The following XYLT1 variants were observed in gnomAD, a reference collection of about 807,000 sequenced individuals.
XYLT1 encodes xylosyltransferase 1, also known as beta-D-xylosyltransferase 1.
In XYLT1, 36 loss-of-function variants were observed where a neutral mutation model predicts 91.3. The ratio of observed to expected loss-of-function variants is 0.39; its 90% CI spans 0.30 to 0.52. The LOEUF (loss-of-function observed/expected upper bound fraction) is 0.52. Ranked by LOEUF, XYLT1 falls within the 20% of genes least tolerant of loss-of-function variation. The pLI is 0.68. For synonymous variants in XYLT1, 588 were observed against 532.0 expected, an observed-to-expected ratio of 1.11 and a Z score of -1.45; for missense variants, 1,242 against 1,284.5, an observed-to-expected ratio of 0.97 and a Z score of 0.51.
intron 2 of XYLT1, among the ~76,000 whole-genome samples, chr16:17,320,179 A>T (rs1427979980): frequency 6.6e-6 from 1 of 152,186 alleles, no homozygotes; most frequent in Non-Finnish European, 1.5e-5. Context: ...TCTTCCCCAG[A>T]CTACGGAGGT....
intron 5 of XYLT1, among the ~76,000 whole-genome samples, chr16:17,188,018 G>A (rs1191676415): frequency 6.6e-6 from 1 of 152,050 alleles, no homozygotes; most frequent in Admixed American, 6.5e-5. Flanking sequence ...GTTTTGCACA[G>A]GTGTGGGGTC....
chr16:17,158,375 C>T (rs1426862843), intron 6 of XYLT1, among the ~76,000 whole-genome samples: 2 of 152,208 alleles, frequency 1.3e-5, no homozygotes, highest in Non-Finnish European at 2.9e-5. Context: ...GGTCAATTCC[C>T]TGAGAGGAAG....
intron 4 of XYLT1, among the ~76,000 whole-genome samples, chr16:17,199,823 G>A (rs933173569): frequency 2.0e-5 from 3 of 152,104 alleles, no homozygotes; most frequent in Admixed American, 1.3e-4. Context: ...TCAGTCTCAG[G>A]TATGTCTTTA....
chr16:17,334,524 CAA>C (rs11290407), intron 2 of XYLT1, among the ~76,000 whole-genome samples: 8 of 147,344 alleles, frequency 5.4e-5, no homozygotes, highest in Non-Finnish European at 7.5e-5. Context: ...CACTTCAGAC[CAA>C]AAAAAAAAAG....
intron 1 of XYLT1, among the ~76,000 whole-genome samples, chr16:17,375,019 A>G (rs1276728183): frequency 3.9e-5 from 6 of 152,202 alleles, no homozygotes; most frequent in Non-Finnish European, 8.8e-5. Context: ...CAGACCAACT[A>G]GGACACACTG....
chr16:17,207,042 T>C (rs1234664850), intron 3 of XYLT1, among the ~76,000 whole-genome samples: 1 of 127,260 alleles, frequency 7.9e-6, no homozygotes, highest in Non-Finnish European at 1.6e-5. Flanking sequence ...AGGTTGGTTT[T>C]CTTTTCTTTC....
At chr16:17,342,860 T>G (rs2035083356) in intron 2 of XYLT1, among the ~76,000 whole-genome samples, 1 of 152,180 alleles carries the variant, frequency 6.6e-6, no homozygotes, top group African/African-American at 2.4e-5. Flanking sequence ...CAACACATAT[T>G]TATTGAATAC....
intron 8 of XYLT1, 71 bp from the exon 9 acceptor site, chr16:17,134,806 A>C: frequency 6.4e-7 from 1 of 1,571,628 alleles, no homozygotes; most frequent in Non-Finnish European, 8.7e-7. Context: ...ACCTAAGGGC[A>C]TATCCTGTGG....
rs570305239 is a variant in XYLT1, at chr16:17,470,468, G to C, written c.329C>G (p.Pro110Arg). 5 of 1,232,876 alleles carry C rather than the reference G, an allele frequency of 4.1e-6. No individual in the cohort carries two copies. Among genetic ancestry groups the C allele is most frequent in the African/African-American group, 1.6e-5 (1 of 64,338 alleles). 76.4% of individuals were successfully genotyped at this position (1,232,876 alleles called of 1,614,324 possible). A position where few individuals can be genotyped will look rare whatever the true frequency, so the allele number is the denominator to read the frequency against. The change falls in exon 1 of 12, where the codon CCG becomes CGG. Residue 110 changes from proline to arginine, a missense_variant. Around this residue, in one of 3 missense-constraint regions of XYLT1, gnomAD observed 437 missense variants for 411.5 expected, o/e 1.06. Transcript: ENST00000261381. ...GGPGEPRGQQ[P>R]ASRGALPARA... ...GGCGGGCAGTGCCCCCCGGCTGGCC[G>C]GCTGCTGTCCCCGCGGTTCTCCGGG...
At chr16:17,397,983 C>A (rs1012490909) in intron 1 of XYLT1, among the ~76,000 whole-genome samples, 1 of 151,912 alleles carries the variant, frequency 6.6e-6, no homozygotes, top group Non-Finnish European at 1.5e-5. Context: ...CCACCATTCC[C>A]GGCTAATTTT....
intron 6 of XYLT1, among the ~76,000 whole-genome samples, chr16:17,143,176 C>A (rs1052466191): frequency 1.1e-3 from 162 of 152,258 alleles, no homozygotes; most frequent in African/African-American, 3.8e-3. Context: ...TTGGGCCAAA[C>A]GCTCAGTCCA....
chr16:17,301,713 C>T lies in XYLT1; in HGVS notation c.403-42215G>A, dbSNP rs114851207. On this transcript the variant is annotated intron_variant, in intron 2 of 11. Transcript: ENST00000261381. ...GCGAAGGCGTTTCATCAGACTCCACCGCAACAACAGGTGGCGAATGCTAAT... is the reference window on the plus strand; with the variant it reads ...GCGAAGGCGTTTCATCAGACTCCACTGCAACAACAGGTGGCGAATGCTAAT... Among the ~76,000 whole-genome samples, 679 of 152,218 alleles carry T rather than the reference C, an allele frequency of 4.5e-3. 5 individuals are homozygous for T. Among genetic ancestry groups the T allele is most frequent in the African/African-American group, 0.015 (630 of 41,500 alleles).
intron 1 of XYLT1, among the ~76,000 whole-genome samples, chr16:17,410,175 C>A (rs1202980533): frequency 6.6e-6 from 1 of 152,186 alleles, no homozygotes; most frequent in East Asian, 1.9e-4. Context: ...ACATAACTTG[C>A]TCTTTCAGGA....
intron 2 of XYLT1, among the ~76,000 whole-genome samples, chr16:17,328,944 G>C (rs1311059009): frequency 1.3e-5 from 2 of 152,240 alleles, no homozygotes; most frequent in South Asian, 2.1e-4. Context: ...AGGTATGCGT[G>C]TGTGCATGTT....
chr16:17,108,589 T>A lies in XYLT1; in HGVS notation c.*106A>T. On this transcript the variant is annotated 3_prime_UTR_variant, in exon 12 of 12. Transcript: ENST00000261381. ...CATTCTATGGCCAGGAGAGACCCATTCACAGAGGGCCTCCCCCAGGGTGGG... is the reference window on the plus strand; with the variant it reads ...CATTCTATGGCCAGGAGAGACCCATACACAGAGGGCCTCCCCCAGGGTGGG... 1 of 1,156,664 alleles carries A rather than the reference T, an allele frequency of 8.6e-7. No individual in the cohort carries two copies. Among genetic ancestry groups the A allele is most frequent in the Non-Finnish European group, 1.2e-6 (1 of 847,296 alleles). 71.7% of individuals were successfully genotyped at this position (1,156,664 alleles called of 1,614,324 possible).
chr16:17,144,021 T>C (rs2031064686), intron 6 of XYLT1, among the ~76,000 whole-genome samples: 2 of 152,254 alleles, frequency 1.3e-5, no homozygotes, highest in African/African-American at 4.8e-5. Flanking sequence ...ATATGGATTA[T>C]CTACTTTAAT....
intron 6 of XYLT1, among the ~76,000 whole-genome samples, chr16:17,153,209 T>G (rs545333789): frequency 5.9e-5 from 9 of 152,286 alleles, no homozygotes; most frequent in African/African-American, 2.2e-4. Context: ...TTGCAACAAC[T>G]CTATGGGATT....
At chr16:17,342,613 C>G (rs532158803) in intron 2 of XYLT1, among the ~76,000 whole-genome samples, 8 of 152,140 alleles carry the variant, frequency 5.3e-5, no homozygotes, top group African/African-American at 7.2e-5. Flanking sequence ...TCCCAGCTAC[C>G]CAGGAGGCTG....
rs1456115400 is a variant in XYLT1 at position 17,285,535 on chromosome 16, T to C, written c.403-26037A>G. Among the ~76,000 whole-genome samples, 3 of 152,236 alleles carry C rather than the reference T, an allele frequency of 2.0e-5. No homozygotes were observed. The East Asian group carries it at 5.8e-4, about 29-fold the overall frequency. On this transcript the variant is annotated intron_variant, in intron 2 of 11. Transcript: ENST00000261381. ...CCAAAGGTTGTGGGACAATGGGCAC[T>C]GTGCATGTGCCCAGACCAAGAATCA...
Sources: allele counts gnomAD v4.1 joint callset (sites outside exome capture counted in the v4.1 genomes callset), GRCh38; gene constraint gnomAD v4.1.1; regional missense constraint gnomAD v4.1.1; transcripts MANE v1.5; gene names NCBI Gene and HGNC (gene_info 2026-07-23, HGNC 2026-07-21).